The following COL24A1 variants were observed in gnomAD, a reference collection of about 807,000 sequenced individuals.
COL24A1 encodes the protein collagen type XXIV alpha 1 chain, also known as collagen alpha-1(XXIV) chain.
In COL24A1, 224 loss-of-function variants were observed where a neutral mutation model predicts 253.9. That is an observed-to-expected ratio of 0.88 (90% CI 0.79 to 0.99). The LOEUF (loss-of-function observed/expected upper bound fraction) is 0.99, where lower values mean the gene tolerates loss of function less well. Ranked by LOEUF, COL24A1 falls within the 50% of genes least tolerant of loss-of-function variation. COL24A1 has a pLI of 0.00. For synonymous variants in COL24A1, 685 were observed against 673.7 expected, an observed-to-expected ratio of 1.02 and a Z score of -0.26; for missense variants, 2,131 against 2,068.5, an observed-to-expected ratio of 1.03 and a Z score of -0.59.
At chr1:86,063,082 T>C (rs1258718521) in intron 8 of COL24A1, among the ~76,000 whole-genome samples, 8 of 152,160 alleles carry the variant, frequency 5.3e-5, no homozygotes, top group Non-Finnish European at 1.0e-4. Flanking sequence ...ATAAGACATA[T>C]GACTTTATTT....
chr1:86,133,444 A>G (rs1312332153), intron 2 of COL24A1, among the ~76,000 whole-genome samples: 9 of 152,170 alleles, frequency 5.9e-5, no homozygotes, highest in African/African-American at 2.4e-5. Context: ...TTCAAAGGGA[A>G]TGCTTCCAGT....
chr1:85,888,934 T>C (rs553538374), intron 32 of COL24A1, among the ~76,000 whole-genome samples: 4 of 152,102 alleles, frequency 2.6e-5, no homozygotes, highest in Non-Finnish European at 5.9e-5. Flanking sequence ...TATAGCACAT[T>C]ACATCTGACA....
At chr1:86,123,793 C>T (rs1050608606) in intron 3 of COL24A1, among the ~76,000 whole-genome samples, 2 of 151,682 alleles carry the variant, frequency 1.3e-5, no homozygotes, top group African/African-American at 4.8e-5. Flanking sequence ...TTTTAAATGT[C>T]TAAACATTTA....
chr1:85,787,423 G>A (rs1431655114), intron 47 of COL24A1, among the ~76,000 whole-genome samples: 1 of 151,994 alleles, frequency 6.6e-6, no homozygotes, highest in Non-Finnish European at 1.5e-5. Flanking sequence ...GTGTCCATGT[G>A]TTCACATTGT....
At chr1:85,824,398 G>A (rs1212410672) in intron 43 of COL24A1, among the ~76,000 whole-genome samples, 5 of 152,190 alleles carry the variant, frequency 3.3e-5, no homozygotes, top group Non-Finnish European at 5.9e-5. Flanking sequence ...ATTTGTTATA[G>A]CAGCCTCAGG....
intron 10 of COL24A1, among the ~76,000 whole-genome samples, chr1:86,054,562 A>G (rs534340995): frequency 6.6e-6 from 1 of 152,300 alleles, no homozygotes; most frequent in Admixed American, 6.5e-5. Flanking sequence ...GTAACTAATC[A>G]GAGAGATTCA....
rs568091613 is a variant in COL24A1 at position 85,828,991 on chromosome 1, G to A, written c.3682-5253C>T. On this transcript the variant is annotated intron_variant, in intron 43 of 59. Coordinates refer to ENST00000370571, the MANE Select transcript of COL24A1 (RefSeq NM_152890.7). ...ATGCTGTTAGCTGGTTATTTTGCTC[G>A]TTAGTTGATGCAGTTTCTTCCTAGT... 7.7e-3 allele frequency among the ~76,000 whole-genome samples: 959 copies of A among 124,178 alleles called. 3 individuals are homozygous for A. Among genetic ancestry groups the A allele is most frequent in the African/African-American group, 0.027 (911 of 33,250 alleles). 81.5% of individuals were successfully genotyped at this position (124,178 alleles called of 152,430 possible).
intron 2 of COL24A1, among the ~76,000 whole-genome samples, chr1:86,133,562 G>A (rs6685781): frequency 0.96 from 146,446 of 152,262 alleles, 70,591 homozygotes; most frequent in Non-Finnish European, 1. Flanking sequence ...AGCATGAAGC[G>A]CTGTTGAATT....
chr1:85,817,564 G>A (rs893837642), intron 46 of COL24A1, among the ~76,000 whole-genome samples: 1 of 151,918 alleles, frequency 6.6e-6, no homozygotes, highest in East Asian at 1.9e-4. Context: ...GGCCAGGAGA[G>A]GAAACTGATG....
intron 24 of COL24A1, among the ~76,000 whole-genome samples, chr1:85,929,751 A>G (rs1179516035): frequency 6.7e-6 from 1 of 148,838 alleles, no homozygotes; most frequent in South Asian, 2.2e-4. Context: ...CCACAGTGCA[A>G]TCAAACTAGA....
At chr1:85,882,451 A>G (rs916170977) in intron 32 of COL24A1, among the ~76,000 whole-genome samples, 10 of 152,120 alleles carry the variant, frequency 6.6e-5, no homozygotes, top group African/African-American at 1.9e-4. Context: ...GCGACAGAGC[A>G]AGACTCCGTC....
chr1:86,147,441 T>C (rs1031757050), intron 1 of COL24A1, among the ~76,000 whole-genome samples: 1 of 152,210 alleles, frequency 6.6e-6, no homozygotes, highest in African/African-American at 2.4e-5. Flanking sequence ...TTAACAACTG[T>C]CACTAACTCT....
chr1:85,768,586 G>GT (rs1558048334), intron 53 of COL24A1, among the ~76,000 whole-genome samples: 4 of 18,726 alleles, frequency 2.1e-4, no homozygotes, highest in Non-Finnish European at 8.6e-4. Flanking sequence ...GTTCTTTTGT[G>GT]CGGGGGGAGG....
At chr1:85,879,173 A>AT (rs1333413263) in intron 32 of COL24A1, among the ~76,000 whole-genome samples, 1 of 150,534 alleles carries the variant, frequency 6.6e-6, no homozygotes, top group African/African-American at 2.5e-5. Context: ...GGTCACATAG[A>AT]TTTTCTCTAT....
chr1:86,031,070 A>G (rs1698529312), intron 14 of COL24A1, among the ~76,000 whole-genome samples: 1 of 152,192 alleles, frequency 6.6e-6, no homozygotes, highest in South Asian at 2.1e-4. Flanking sequence ...CCATCAGTAG[A>G]TGAATGAAGA....
intron 7 of COL24A1, among the ~76,000 whole-genome samples, chr1:86,067,875 C>T (rs778495560): frequency 6.6e-6 from 1 of 152,132 alleles, no homozygotes; most frequent in African/African-American, 2.4e-5. Context: ...TTTCTATACT[C>T]ATACAGGAAG....
intron 24 of COL24A1, among the ~76,000 whole-genome samples, chr1:85,915,086 A>G (rs192249509): frequency 6.6e-6 from 1 of 152,236 alleles, no homozygotes; most frequent in Non-Finnish European, 1.5e-5. Flanking sequence ...TAACATTTAA[A>G]TAGGTAAACT....
At chr1:86,016,231 G>T (rs922530433) in intron 19 of COL24A1, among the ~76,000 whole-genome samples, 1 of 151,928 alleles carries the variant, frequency 6.6e-6, no homozygotes, top group Admixed American at 6.6e-5. Context: ...GTAAGAATAG[G>T]CATTTTCTAA....
At chr1:85,842,288 T>G in intron 40 of COL24A1, 52 bp downstream of exon 40, 2 of 1,414,866 alleles carry the variant, frequency 1.4e-6, no homozygotes, top group Non-Finnish European at 9.8e-7. Flanking sequence ...GGATATCATC[T>G]TTAATAAAAA....
Sources: gnomAD v4.1 joint callset for allele counts (sites outside exome capture counted in the v4.1 genomes callset) on GRCh38, gnomAD v4.1.1 for gene constraint, MANE v1.5 for transcripts, NCBI Gene and HGNC (gene_info 2026-07-23, HGNC 2026-07-21) for gene names.